Variants in VSTM2B observed in about 807,000 individuals in gnomAD.
VSTM2B encodes V-set and transmembrane domain containing 2B.
In VSTM2B, 24 loss-of-function variants were observed where a neutral mutation model predicts 24.0. The ratio of observed to expected loss-of-function variants is 1.00; its 90% confidence interval spans 0.72 to 1.40. The LOEUF is 1.40. Ranked by LOEUF, VSTM2B falls within the 40% of genes most tolerant of loss-of-function variation. VSTM2B has a pLI of 0.00. For missense variants in VSTM2B, 399 were observed against 416.4 expected, an observed-to-expected ratio of 0.96 and a Z score of 0.36; for synonymous variants, 226 against 194.4, an observed-to-expected ratio of 1.16 and a Z score of -1.35.
intron 4 of VSTM2B, among the ~76,000 whole-genome samples, chr19:29,550,829 GAA>G (rs74786680): frequency 5.0e-5 from 7 of 140,180 alleles, no homozygotes; most frequent in South Asian, 2.3e-4. Context: ...TCTCAAACCT[GAA>G]AAAAAAAAAA....
chr19:29,532,220 G>GA (rs1599878349), intron 4 of VSTM2B, among the ~76,000 whole-genome samples: 1 of 152,226 alleles, frequency 6.6e-6, no homozygotes, highest in East Asian at 1.9e-4. Flanking sequence ...GCTAGGTCTA[G>GA]AAGTGGTAAA....
chr19:29,533,424 T>C (rs554979200), intron 4 of VSTM2B, among the ~76,000 whole-genome samples: 1 of 152,260 alleles, frequency 6.6e-6, no homozygotes, highest in South Asian at 2.1e-4. Flanking sequence ...AGGAACTGTG[T>C]AGACACATCT....
chr19:29,555,144 C>T (rs1020821553), intron 4 of VSTM2B, among the ~76,000 whole-genome samples: 10 of 152,214 alleles, frequency 6.6e-5, no homozygotes, highest in South Asian at 2.1e-4. Context: ...ACTCTAAAAT[C>T]GATCACAAAA....
intron 4 of VSTM2B, among the ~76,000 whole-genome samples, chr19:29,550,729 A>C (rs534123882): frequency 6.6e-6 from 1 of 151,870 alleles, no homozygotes. Flanking sequence ...ATGAGCCTCC[A>C]CTTAGCCAGG....
intron 4 of VSTM2B, among the ~76,000 whole-genome samples, chr19:29,561,296 AGT>A (rs1224718370): frequency 6.6e-6 from 1 of 150,910 alleles, no homozygotes; most frequent in Non-Finnish European, 1.5e-5. Context: ...TGGGTGACAG[AGT>A]GAGACTCCAT....
At chr19:29,537,938 C>A (rs1969931644) in intron 4 of VSTM2B, among the ~76,000 whole-genome samples, 1 of 152,154 alleles carries the variant, frequency 6.6e-6, no homozygotes, top group South Asian at 2.1e-4. Context: ...GGTGGGAGAA[C>A]CAAAGCATCA....
rs1423161893 is a variant in VSTM2B, at chr19:29,526,655, C to T, written c.72C>T (p.Phe24=). 2 of 1,529,174 alleles carry T rather than the reference C, an allele frequency of 1.3e-6. No homozygotes were observed. Among genetic ancestry groups the T allele is most frequent in the Admixed American group, 4.0e-5 (2 of 50,430 alleles). 94.7% of individuals were successfully genotyped at this position (1,529,174 alleles called of 1,614,324 possible). The change falls in exon 1 of 5, where the codon TTC becomes TTT. Residue 24 remains phenylalanine (F), a synonymous_variant. Coordinates refer to ENST00000335523, the MANE Select transcript of VSTM2B (RefSeq NM_001146339.2). This position sits in a 1 kb window ranked among gnomAD's most constrained non-coding sequence, Gnocchi z 4.1. ...TGCTGCTGCATGCCCTGCTGCTCTTCGTGGCCGACGGTGAGCGCGGGAACT... is the reference window on the plus strand; with the variant it reads ...TGCTGCTGCATGCCCTGCTGCTCTTTGTGGCCGACGGTGAGCGCGGGAACT... ...PPLLLHALLL[F]VADAAFTEVP...
At chr19:29,556,270 C>G (rs139692490) in intron 4 of VSTM2B, among the ~76,000 whole-genome samples, 1 of 151,956 alleles carries the variant, frequency 6.6e-6, no homozygotes, top group African/African-American at 2.4e-5. Flanking sequence ...CTAAACAGAA[C>G]GAAAGACCAA....
rs1000227855 is a variant in VSTM2B, at chr19:29,526,493, C to T, written c.-91C>T. The T allele has an allele frequency of 4.0e-5, 37 of 926,874 alleles. No individual in the cohort carries two copies. The highest frequency in any genetic ancestry group is 5.0e-5 in the Non-Finnish European group (35 of 695,730). 57.4% of individuals were successfully genotyped at this position (926,874 alleles called of 1,614,324 possible). On this transcript the variant is annotated 5_prime_UTR_variant, in exon 1 of 5. Transcript: ENST00000335523. This position sits in a 1 kb window ranked among gnomAD's most constrained non-coding sequence, Gnocchi z 4.1. ...CGCGGGGCCATGGCAGGCTCGGAGGCGTCCTAGCCCGAGCCGGAGCCGATC... is the reference window on the plus strand; with the variant it reads ...CGCGGGGCCATGGCAGGCTCGGAGGTGTCCTAGCCCGAGCCGGAGCCGATC...
intron 4 of VSTM2B, 31 bp downstream of exon 4, chr19:29,530,321 C>A: frequency 6.8e-7 from 1 of 1,472,724 alleles, no homozygotes; most frequent in Admixed American, 2.4e-5. Flanking sequence ...GGCGCACGCG[C>A]GGGGATGGCG....
intron 4 of VSTM2B, among the ~76,000 whole-genome samples, chr19:29,547,868 G>A (rs896001414): frequency 6.6e-6 from 1 of 152,150 alleles, no homozygotes; most frequent in Non-Finnish European, 1.5e-5. Context: ...GGCTGCAGCA[G>A]GGGAATGGTC....
chr19:29,545,474 G>C (rs746167244), intron 4 of VSTM2B, among the ~76,000 whole-genome samples: 15 of 152,222 alleles, frequency 9.9e-5, no homozygotes, highest in Non-Finnish European at 1.9e-4. Flanking sequence ...TTAGCTGGGC[G>C]TGCTGGCACA....
Position 29,527,305 on chromosome 19 carries a change from T to G in VSTM2B, c.177T>G (p.Tyr59Ter). ...TCCGGGCCAGCGGAGCCACCTCGTA[T>G]TCGCTGGAGATTCAGTGGTGGTACC... is the stretch of plus-strand genomic sequence containing the variant. ...CAFRASGATS[Y>*]SLEIQWWYLK... The change falls in exon 2 of 5, where the codon TAT becomes TAG. Residue 59 changes from tyrosine (Y) to a stop codon, truncating the protein, a stop_gained. Transcript: ENST00000335523. LOFTEE classifies it high-confidence loss of function. The G allele has an allele frequency of 6.5e-7, 1 of 1,550,312 alleles. No individual in the cohort carries two copies. The highest frequency in any genetic ancestry group is 8.7e-7 in the Non-Finnish European group (1 of 1,146,786).
chr19:29,563,188 A>G (rs1970574870), intron 4 of VSTM2B, among the ~76,000 whole-genome samples: 1 of 151,618 alleles, frequency 6.6e-6, no homozygotes, highest in Non-Finnish European at 1.5e-5. Flanking sequence ...GAGGACAAGC[A>G]GGGCCAGAAA....
intron 4 of VSTM2B, among the ~76,000 whole-genome samples, chr19:29,537,560 A>C (rs1969919225): frequency 6.6e-6 from 1 of 152,174 alleles, no homozygotes; most frequent in South Asian, 2.1e-4. Flanking sequence ...CTCTGGGCTA[A>C]AATATCAAAG....
upstream of VSTM2B, chr19:29,525,748 A>C (rs1334890267): frequency 6.6e-6 from 1 of 152,478 alleles, no homozygotes; most frequent in Non-Finnish European, 1.5e-5. Context: ...GCAGACTGGG[A>C]AGAAGCCAGG....
chr19:29,527,453 G>A (rs182273937), intron 2 of VSTM2B, 58 bp downstream of exon 2: 2 of 1,389,046 alleles, frequency 1.4e-6, no homozygotes, highest in African/African-American at 3.1e-5. Flanking sequence ...GGGCGGCGAA[G>A]GCTAACCCAG....
chr19:29,534,716 C>A (rs1216046075), intron 4 of VSTM2B, among the ~76,000 whole-genome samples: 36 of 140,312 alleles, frequency 2.6e-4, no homozygotes, highest in Admixed American at 5.8e-4. Context: ...AACTCTGTCT[C>A]AAAAAAAAAA....
chr19:29,545,284 T>C (rs1288121175), intron 4 of VSTM2B, among the ~76,000 whole-genome samples: 1 of 151,690 alleles, frequency 6.6e-6, no homozygotes, highest in Non-Finnish European at 1.5e-5. Context: ...CCTGGGAACT[T>C]GGGGAGCAGG....
Sources: gnomAD v4.1 joint callset for allele counts (sites outside exome capture counted in the v4.1 genomes callset) on GRCh38, gnomAD v4.1.1 for gene constraint, Gnocchi (gnomAD v3.1) non-coding constraint, MANE v1.5 for transcripts, NCBI Gene and HGNC (gene_info 2026-07-23, HGNC 2026-07-21) for gene names.